CPXM2: variants seen among roughly 807,000 people sequenced by gnomAD.
CPXM2 encodes carboxypeptidase X, M14 family member 2.
A neutral mutation model predicts 86.1 loss-of-function variants in CPXM2; 66 were observed. The ratio of observed to expected loss-of-function variants is 0.77; its 90% CI spans 0.63 to 0.94. CPXM2 has a LOEUF of 0.94. Ranked by LOEUF, CPXM2 falls within the 40% of genes least tolerant of loss-of-function variation. The probability of loss-of-function intolerance (pLI) is 0.00; values close to 1 mark genes in which losing one functional copy is unlikely to be tolerated. For synonymous variants in CPXM2, 388 were observed against 400.2 expected (o/e 0.97, Z 0.36); for missense variants, 948 against 1,026.3 (o/e 0.92, Z 1.04).
rs1374265874 is a variant in CPXM2 at position 123,770,958 on chromosome 10, A to G, written c.1060T>C (p.Tyr354His). 1 of 1,614,160 alleles carries G rather than the reference A, an allele frequency of 6.2e-7. No individual in the cohort carries two copies. The highest frequency in any genetic ancestry group is 1.1e-5 in the South Asian group (1 of 91,084). ...IGKSHQGLKL[Y>H]AVEISDHPGE... ...GGGTGATCTGAGATCTCCACAGCAT[A>G]CAGCTTCAGGCCCTGGTGGCTTTTT... is the stretch of plus-strand genomic sequence containing the variant. The change falls in exon 8 of 14, where the codon TAT becomes CAT. Residue 354 changes from tyrosine (Y) to histidine (H), a missense_variant. By Grantham distance (83) the Tyr-to-His change is moderately conservative. Coordinates refer to ENST00000241305, the MANE Select transcript of CPXM2 (RefSeq NM_198148.3).
chr10:123,820,047 G>T (rs1847893332), intron 4 of CPXM2, among the ~76,000 whole-genome samples: 1 of 152,150 alleles, frequency 6.6e-6, no homozygotes, highest in Non-Finnish European at 1.5e-5. Context: ...CTCCTGTGCT[G>T]GATGCTCCCT....
At chr10:123,789,907 A>G (rs1424667690) in intron 6 of CPXM2, among the ~76,000 whole-genome samples, 2 of 152,106 alleles carry the variant, frequency 1.3e-5, no homozygotes, top group Non-Finnish European at 2.9e-5. Context: ...TCACGAGGTC[A>G]GGAGATCGAG....
At chr10:123,867,146 C>T (rs1944805173) in intron 2 of CPXM2, among the ~76,000 whole-genome samples, 2 of 152,190 alleles carry the variant, frequency 1.3e-5, no homozygotes, top group Admixed American at 1.3e-4. Flanking sequence ...GAAGTTTAAG[C>T]ATAAAGTAGT....
At chr10:123,803,118 C>T (rs1321245113) in intron 4 of CPXM2, among the ~76,000 whole-genome samples, 9 of 63,644 alleles carry the variant, frequency 1.4e-4, no homozygotes, top group East Asian at 7.7e-4. Flanking sequence ...TTGTAGTACC[C>T]TTTTTTTTTT....
intron 1 of CPXM2, among the ~76,000 whole-genome samples, chr10:123,882,256 C>G (rs147866195): frequency 6.6e-6 from 1 of 152,278 alleles, no homozygotes; most frequent in East Asian, 1.9e-4. Flanking sequence ...ATTAAGTGCC[C>G]CCTTTAGTGT....
intron 4 of CPXM2, among the ~76,000 whole-genome samples, chr10:123,800,687 A>G (rs1051746930): frequency 2.0e-5 from 3 of 152,112 alleles, no homozygotes; most frequent in African/African-American, 7.2e-5. Context: ...AGACAATAAG[A>G]GGGGAGTAAA....
intron 4 of CPXM2, among the ~76,000 whole-genome samples, chr10:123,826,442 C>T (rs560751349): frequency 6.6e-6 from 1 of 152,114 alleles, no homozygotes; most frequent in South Asian, 2.1e-4. Flanking sequence ...AGTGGAGGTA[C>T]AGGAACATTT....
At chr10:123,925,593 T>C (rs1177899577) in intron 2 of CPXM2, among the ~76,000 whole-genome samples, 1 of 152,224 alleles carries the variant, frequency 6.6e-6, no homozygotes, top group Non-Finnish European at 1.5e-5. Flanking sequence ...TATTTGTAAG[T>C]TGCATACATC....
At chr10:123,750,655 G>A (rs755938201) in intron 13 of CPXM2, 55 of 971,374 alleles carry the variant, frequency 5.7e-5, no homozygotes, top group Non-Finnish European at 6.4e-5. Flanking sequence ...TATTTGTTTT[G>A]CTCACCGCAG....
intron 4 of CPXM2, among the ~76,000 whole-genome samples, chr10:123,808,744 C>A (rs1031229457): frequency 9.9e-5 from 15 of 152,126 alleles, no homozygotes; most frequent in Non-Finnish European, 1.8e-4. Context: ...AGAAAATATT[C>A]TCCATGAGAA....
At chr10:123,792,751 C>A (rs1847234457) in intron 6 of CPXM2, among the ~76,000 whole-genome samples, 1 of 152,188 alleles carries the variant, frequency 6.6e-6, no homozygotes, top group South Asian at 2.1e-4. Flanking sequence ...TATCCCCAGA[C>A]CTTCTGCAAT....
intron 3 of CPXM2, among the ~76,000 whole-genome samples, chr10:123,845,570 G>A (rs1848478955): frequency 6.6e-6 from 1 of 151,698 alleles, no homozygotes; most frequent in South Asian, 2.1e-4. Flanking sequence ...TAAAGTTGAA[G>A]AAATCTCACA....
chr10:123,751,448 T>C, intron 13 of CPXM2: 1 of 941,750 alleles, frequency 1.1e-6, no homozygotes, highest in Non-Finnish European at 1.3e-6. Flanking sequence ...TAAGAAGGTT[T>C]GCGTCTTTCC....
intron 13 of CPXM2, chr10:123,751,434 C>T: frequency 2.2e-6 from 2 of 895,198 alleles, no homozygotes; most frequent in Non-Finnish European, 2.7e-6. Flanking sequence ...ACGTCCTGAC[C>T]TTCTAAGAAG....
At chr10:123,923,512 C>A (rs1255199044) in intron 2 of CPXM2, among the ~76,000 whole-genome samples, 2 of 149,746 alleles carry the variant, frequency 1.3e-5, no homozygotes, top group Non-Finnish European at 3.0e-5. Context: ...ACCCGGGAGG[C>A]GGAGCTTGCA....
At chr10:123,838,219 T>C (rs1325183270) in intron 4 of CPXM2, among the ~76,000 whole-genome samples, 1 of 152,222 alleles carries the variant, frequency 6.6e-6, no homozygotes, top group Non-Finnish European at 1.5e-5. Context: ...CCCAGCACTT[T>C]GGGAGGCCGA....
upstream of CPXM2, among the ~76,000 whole-genome samples, chr10:123,893,205 A>C (rs1590108488): frequency 6.6e-6 from 1 of 152,066 alleles, no homozygotes; most frequent in African/African-American, 2.4e-5. Context: ...GGACAGACTG[A>C]CCCTCAAGCC....
intron 4 of CPXM2, among the ~76,000 whole-genome samples, chr10:123,828,607 G>A (rs1848095055): frequency 6.6e-6 from 1 of 152,220 alleles, no homozygotes; most frequent in Non-Finnish European, 1.5e-5. Context: ...ATGTGGAACT[G>A]TGAGTCAATT....
At chr10:123,806,821 C>T (rs1443166487) in intron 4 of CPXM2, among the ~76,000 whole-genome samples, 4 of 152,048 alleles carry the variant, frequency 2.6e-5, no homozygotes, top group Admixed American at 6.5e-5. Context: ...ATGAGAACAG[C>T]ATGGGGGAAA....
Sources: allele counts gnomAD v4.1 joint callset (sites outside exome capture counted in the v4.1 genomes callset), GRCh38; gene constraint gnomAD v4.1.1; transcripts MANE v1.5; gene names NCBI Gene and HGNC (gene_info 2026-07-23, HGNC 2026-07-21).